The following PAOX variants were observed in gnomAD, a reference collection of about 807,000 sequenced individuals.
PAOX encodes the protein polyamine oxidase, also known as peroxisomal N(1)-acetyl-spermine/spermidine oxidase.
In PAOX, 38 loss-of-function variants were observed where a neutral mutation model predicts 39.0. The observed-to-expected ratio is 0.97, with a 90% CI of 0.75 to 1.28. The LOEUF (loss-of-function observed/expected upper bound fraction) is 1.28, where lower values mean the gene tolerates loss of function less well. Among genes scored for constraint, PAOX ranks in the 50% most tolerant of loss-of-function variants. PAOX has a pLI of 0.00. For missense variants in PAOX, 667 were observed against 685.7 expected (o/e 0.97, Z 0.30); for synonymous variants, 311 against 314.4 (o/e 0.99, Z 0.11).
chr10:133,381,385 CAGA>C, intron 2 of PAOX, 72 bp from the exon 3 acceptor site: 1 of 1,431,814 alleles, frequency 7.0e-7, no homozygotes, highest in Non-Finnish European at 9.7e-7. Flanking sequence ...GGTGGGAACT[CAGA>C]GCACGTATTT....
At position 133,381,456 on chromosome 10, in the gene PAOX, C is replaced by G; in HGVS notation, c.669-4C>G. The G allele has an allele frequency of 1.2e-6, 2 of 1,613,622 alleles. No individual in the cohort carries two copies. Among genetic ancestry groups the G allele is most frequent in the Non-Finnish European group, 1.7e-6 (2 of 1,179,886 alleles). ...CTACGAAACCAGCACTTCCGTCTTT[C>G]TAGGGGCTATCAAGGACTCACAAAC... On this transcript the variant is annotated splice_polypyrimidine_tract_variant and splice_region_variant and intron_variant, in intron 2 of 6. Coordinates refer to ENST00000278060, the MANE Select transcript of PAOX (RefSeq NM_152911.4).
At chr10:133,380,886 G>A (rs1222712319) in intron 2 of PAOX, among the ~76,000 whole-genome samples, 3 of 152,248 alleles carry the variant, frequency 2.0e-5, no homozygotes, top group Non-Finnish European at 4.4e-5. Context: ...GCTGAGGCAG[G>A]AGAATTGCTT....
Position 133,384,183 on chromosome 10 carries a change from C to G in PAOX, c.1092C>G (p.Leu364=). Residue 364 remains leucine, a synonymous_variant, in exon 4 of 7, where the codon CTC becomes CTG. Coordinates refer to ENST00000278060, the MANE Select transcript of PAOX (RefSeq NM_152911.4). This position sits in a 1 kb window ranked among gnomAD's most constrained non-coding sequence, Gnocchi z 4.3. ...PELQDAWFRK[L]IGFVVLPAFA... is the part of the protein sequence containing the mutation. ...TACAGGACGCCTGGTTCCGGAAGCT[C>G]ATTGGCTTTGTGGTCCTGCCTGCCT... 1 of 1,614,022 alleles carries G rather than the reference C, an allele frequency of 6.2e-7. No homozygotes were observed. Among genetic ancestry groups the G allele is most frequent in the South Asian group, 1.1e-5 (1 of 91,072 alleles).
intron 5 of PAOX, 40 bp downstream of exon 5, chr10:133,389,108 G>T: frequency 6.8e-7 from 1 of 1,462,628 alleles, no homozygotes; most frequent in Non-Finnish European, 9.6e-7. Context: ...GCCTCTGCTC[G>T]TTACTGGTTG....
intron 2 of PAOX, 56 bp downstream of exon 2, chr10:133,380,541 G>C (rs1346661681): frequency 6.6e-7 from 1 of 1,518,864 alleles, no homozygotes; most frequent in Non-Finnish European, 8.8e-7. Context: ...CCAGGGCACC[G>C]GGGCTGGCTG....
At chr10:133,387,864 G>A (rs1156365449) in intron 4 of PAOX, among the ~76,000 whole-genome samples, 13 of 152,320 alleles carry the variant, frequency 8.5e-5, no homozygotes, top group African/African-American at 2.9e-4. Flanking sequence ...GGGACTACAG[G>A]TGCCCGCCAC....
rs770969283 is a variant in PAOX, at chr10:133,385,021, C to T, written c.1121+809C>T. On this transcript the variant is annotated intron_variant, in intron 4 of 6. Coordinates refer to ENST00000278060, the MANE Select transcript of PAOX (RefSeq NM_152911.4). ...AGAGAAAACTGGCATTTCGGCCAGG[C>T]GCGGTGGCTCATGTCTGTAATCCCT... Among the ~76,000 whole-genome samples, 115 of 152,114 alleles carry T rather than the reference C, an allele frequency of 7.6e-4. 2 individuals are homozygous for T. The highest frequency in any genetic ancestry group is 2.7e-4 in the African/African-American group (11 of 41,400).
In PAOX at chr10:133,380,127, A is replaced by G; in HGVS notation, c.310A>G (p.Thr104Ala). ...ELSQENQLVE[T>A]GGHVGLPSVS... ...GTCCCAGGAGAACCAGCTGGTGGAG[A>G]CCGGGGGTCACGTGGGCCTGCCCTC... is the stretch of plus-strand genomic sequence containing the variant. Residue 104 changes from threonine (T) to alanine (A), a missense_variant, in exon 2 of 7, where the codon ACC becomes GCC. By Grantham distance (58) the Thr-to-Ala change is moderately conservative. Coordinates refer to ENST00000278060, the MANE Select transcript of PAOX (RefSeq NM_152911.4). 6.3e-7 allele frequency: 1 copy of G among 1,583,368 alleles called. No homozygotes were observed. Among genetic ancestry groups the G allele is most frequent in the Non-Finnish European group, 8.6e-7 (1 of 1,163,796 alleles).
chr10:133,383,656 G>A (rs1254524918), intron 3 of PAOX, among the ~76,000 whole-genome samples: 7 of 151,518 alleles, frequency 4.6e-5, no homozygotes, highest in Non-Finnish European at 8.8e-5. Flanking sequence ...AAACACTTGT[G>A]TGAAAGGTGG....
intron 1 of PAOX, 133 bp downstream of exon 1, chr10:133,379,630 T>A: frequency 2.5e-6 from 2 of 784,328 alleles, no homozygotes; most frequent in Non-Finnish European, 3.4e-6. Context: ...CCCGCTCGCT[T>A]AATCCGCCAG....
chr10:133,390,770 A>T (rs1413032189), intron 6 of PAOX: 2 of 590,192 alleles, frequency 3.4e-6, no homozygotes, highest in African/African-American at 3.7e-5. Context: ...TTGACTTCTC[A>T]TTACATCAGA....
At chr10:133,391,120 T>A (rs757055321) in intron 6 of PAOX, 192 bp from the exon 7 acceptor site, 9 of 708,870 alleles carry the variant, frequency 1.3e-5, no homozygotes, top group South Asian at 1.0e-4. Context: ...TCCTGCCCGT[T>A]GGTGGATGTG....
At chr10:133,379,536 G>T in intron 1 of PAOX, 39 bp downstream of exon 1, 2 of 1,221,766 alleles carry the variant, frequency 1.6e-6, no homozygotes, top group Non-Finnish European at 2.0e-6. Flanking sequence ...GAACCCAACC[G>T]GCTGCGCCCG....
Position 133,380,587 on chromosome 10 carries a change from G to A in PAOX, c.668+102G>A, listed in dbSNP as rs1849339222. 5 of 1,415,346 alleles carry A rather than the reference G, an allele frequency of 3.5e-6. No homozygotes were observed. In the African/African-American group the frequency reaches 5.7e-5, roughly 16 times the overall value. The allele number at this position is 1,415,346 out of a possible 1,614,324, so 87.7% of individuals were successfully genotyped here. Reference sequence around the variant, plus strand: ...TTGCTTGGGTATGGGAGGGACAGGAGACCATTTGTCCTCCCCATTCCGACA... The same window carrying A: ...TTGCTTGGGTATGGGAGGGACAGGAAACCATTTGTCCTCCCCATTCCGACA... On this transcript the variant is annotated intron_variant, in intron 2 of 6. Coordinates refer to ENST00000278060, the MANE Select transcript of PAOX (RefSeq NM_152911.4).
chr10:133,381,927 A>G (rs902892647), intron 3 of PAOX, among the ~76,000 whole-genome samples: 1 of 152,068 alleles, frequency 6.6e-6, no homozygotes, highest in Non-Finnish European at 1.5e-5. Flanking sequence ...GGCCTTGGAG[A>G]TTAACCACAC....
At position 133,384,100 on chromosome 10, in the gene PAOX, C is replaced by T. The variant is rs747150676; in HGVS notation, c.1009C>T (p.Gln337Ter). Residue 337 changes from glutamine (Q) to a stop codon, truncating the protein, a stop_gained, in exon 4 of 7, where the codon CAG (glutamine) becomes TAG (stop). Transcript: ENST00000278060. LOFTEE classifies it high-confidence loss of function. The surrounding 1 kb of genome is among the most constrained non-coding windows in gnomAD (Gnocchi z 4.3). ...GGAGCCCTTCTGGGAGCCAGACTGC[C>T]AGCTGATCCAGCTGGTGTGGGAGGA... is the stretch of plus-strand genomic sequence containing the variant. ...FEEPFWEPDC[Q>*]LIQLVWEDTS... 5.6e-6 allele frequency: 9 copies of T among 1,614,076 alleles called. No homozygotes were observed. Among genetic ancestry groups the T allele is most frequent in the Non-Finnish European group, 7.6e-6 (9 of 1,180,034 alleles).
At chr10:133,381,732 T>G in intron 3 of PAOX, 73 bp downstream of exon 3, 1 of 1,496,756 alleles carries the variant, frequency 6.7e-7, no homozygotes, top group East Asian at 2.3e-5. Flanking sequence ...CTCAGTTGGC[T>G]CTGGGGCGTT....
At chr10:133,391,028 T>C (rs576509032) in intron 6 of PAOX, 56 of 702,454 alleles carry the variant, frequency 8.0e-5, no homozygotes, top group Middle Eastern at 6.9e-4. Context: ...CGTTGGTGGA[T>C]GCGTGTGAGC....
chr10:133,381,540 T>C lies in PAOX; in HGVS notation c.749T>C (p.Ile250Thr). The change falls in exon 3 of 7, where the codon ATC (isoleucine) becomes ACC (threonine). Residue 250 changes from isoleucine to threonine, a missense_variant. Ile to Thr is a moderately conservative substitution (Grantham distance 89). Transcript: ENST00000278060. Reference sequence around the variant, plus strand: ...GTTTTTGAGAAGCCTGTGAAGACCATCCACTGGAACGGGTCCTTCCAGGAG... The same window carrying C: ...GTTTTTGAGAAGCCTGTGAAGACCACCCACTGGAACGGGTCCTTCCAGGAG... Reference protein sequence around the residue: ...TVVFEKPVKTIHWNGSFQEAA... With the variant: ...TVVFEKPVKTTHWNGSFQEAA... 3 of 1,613,818 alleles carry C rather than the reference T, an allele frequency of 1.9e-6. No individual in the cohort carries two copies. The highest frequency in any genetic ancestry group is 2.5e-6 in the Non-Finnish European group (3 of 1,180,024).
Sources: allele counts gnomAD v4.1 joint callset (sites outside exome capture counted in the v4.1 genomes callset), GRCh38; gene constraint gnomAD v4.1.1; non-coding constraint Gnocchi (gnomAD v3.1); transcripts MANE v1.5; gene names NCBI Gene and HGNC (gene_info 2026-07-23, HGNC 2026-07-21).